The following HMGB1 variants were observed in gnomAD, a reference collection of about 807,000 sequenced individuals.
HMGB1 encodes high mobility group protein B1.
For missense variants in HMGB1, 79 were observed against 253.5 expected (o/e 0.31, Z 4.67); for synonymous variants, 81 against 84.0 (o/e 0.96, Z 0.19).
At chr13:30,552,460 T>C (rs1445602423) in intron 1 of HMGB1, among the ~76,000 whole-genome samples, 1 of 152,198 alleles carries the variant, frequency 6.6e-6, no homozygotes, top group African/African-American at 2.4e-5. Flanking sequence ...TATTTATCTT[T>C]CAAGACTAAG....
At chr13:30,539,636 G>T in intron 1 of HMGB1, 1 of 312,032 alleles carries the variant, frequency 3.2e-6, no homozygotes. Flanking sequence ...TCCTCTGAGG[G>T]TCCTGAAAAG....
chr13:30,533,452 C>T (rs1389872562), intron 1 of HMGB1, among the ~76,000 whole-genome samples: 1 of 152,162 alleles, frequency 6.6e-6, no homozygotes, highest in Non-Finnish European at 1.5e-5. Context: ...GCAACCTTCA[C>T]CTCCTGGGTT....
At chr13:30,553,892 T>C (rs1869550758) in intron 1 of HMGB1, 1 of 1,361,776 alleles carries the variant, frequency 7.3e-7, no homozygotes. Context: ...CCAGCTTAGT[T>C]GACATAGAAG....
rs148080157 is a variant in HMGB1 at position 30,561,016 on chromosome 13, T to C, written c.-15+55655A>G. The stretch of plus-strand genomic sequence containing the variant: ...AAATGAAAGAAGAGTCAGATGAGGA[T>C]AGCTGGAGCTAGTGCAAGGAGGGAA... On this transcript the variant is annotated intron_variant, in intron 1 of 4. Coordinates refer to the HMGB1 transcript ENST00000405805. 2.6e-3 allele frequency among the ~76,000 whole-genome samples: 400 copies of C among 151,968 alleles called. 2 individuals are homozygous for C. Among genetic ancestry groups the C allele is most frequent in the African/African-American group, 9.3e-3 (385 of 41,474 alleles).
intron 1 of HMGB1, among the ~76,000 whole-genome samples, chr13:30,568,050 T>C (rs1056542890): frequency 6.6e-6 from 1 of 152,198 alleles, no homozygotes; most frequent in Non-Finnish European, 1.5e-5. Context: ...GTGTTCCCCC[T>C]GGGTGGAATC....
intron 1 of HMGB1, among the ~76,000 whole-genome samples, chr13:30,596,339 CAGATA>C (rs1390253286): frequency 6.6e-6 from 1 of 152,110 alleles, no homozygotes; most frequent in African/African-American, 2.4e-5. Context: ...CCATGTTGGC[CAGATA>C]AGTCTGTCTT....
intron 1 of HMGB1, chr13:30,465,233 C>G: frequency 2.8e-6 from 1 of 355,800 alleles, no homozygotes; most frequent in Non-Finnish European, 3.8e-6. Flanking sequence ...GCCGGCCGGG[C>G]CCGCACTGCC....
intron 1 of HMGB1, among the ~76,000 whole-genome samples, chr13:30,533,321 T>C (rs1888539037): frequency 6.6e-6 from 1 of 152,222 alleles, no homozygotes; most frequent in African/African-American, 2.4e-5. Context: ...TTCTCATCTA[T>C]AACAGAACCA....
intron 1 of HMGB1, among the ~76,000 whole-genome samples, chr13:30,550,570 G>A (rs1433529685): frequency 6.6e-6 from 1 of 152,104 alleles, no homozygotes; most frequent in Non-Finnish European, 1.5e-5. Flanking sequence ...TTGCCTCTTT[G>A]CTCAGTTCAC....
At chr13:30,513,453 A>G (rs995842513) in intron 1 of HMGB1, among the ~76,000 whole-genome samples, 1 of 152,228 alleles carries the variant, frequency 6.6e-6, no homozygotes, top group Non-Finnish European at 1.5e-5. Context: ...GTGAGTTCAC[A>G]TCTTCTCTAT....
intron 1 of HMGB1, among the ~76,000 whole-genome samples, chr13:30,572,696 T>A (rs2137535243): frequency 6.6e-6 from 1 of 152,328 alleles, no homozygotes; most frequent in Middle Eastern, 3.4e-3. Context: ...GTGAATGAAA[T>A]ACATTTTAAT....
At chr13:30,483,285 A>G (rs948936629) in intron 1 of HMGB1, among the ~76,000 whole-genome samples, 17 of 152,102 alleles carry the variant, frequency 1.1e-4, no homozygotes, top group Admixed American at 1.0e-3. Context: ...TGTGCTCATC[A>G]TTAAAACTTC....
intron 1 of HMGB1, among the ~76,000 whole-genome samples, chr13:30,513,188 A>G (rs1888030509): frequency 6.6e-6 from 1 of 152,058 alleles, no homozygotes; most frequent in African/African-American, 2.4e-5. Flanking sequence ...AAAACAAAAA[A>G]CAAAAACCCA....
chr13:30,592,863 C>T (rs531139139), intron 1 of HMGB1, among the ~76,000 whole-genome samples: 4 of 141,104 alleles, frequency 2.8e-5, no homozygotes, highest in East Asian at 2.0e-4. Flanking sequence ...AAATTTAGTG[C>T]TTTTTTTTAA....
At chr13:30,542,861 A>G (rs9579598) in intron 1 of HMGB1, 42,183 of 154,078 alleles carry the variant, frequency 0.27, 8,174 homozygotes, top group African/African-American at 0.56. Flanking sequence ...AGAGTCAATG[A>G]GCGACTGCTT....
chr13:30,613,174 G>A (rs1177143669), intron 1 of HMGB1, among the ~76,000 whole-genome samples: 1 of 152,122 alleles, frequency 6.6e-6, no homozygotes, highest in Admixed American at 6.5e-5. Context: ...CTACCTCCCA[G>A]GATCAAGCCA....
In HMGB1 at chr13:30,520,939, G is replaced by A. The variant is rs189670893; in HGVS notation, c.-14-57245C>T. Among the ~76,000 whole-genome samples the A allele has an allele frequency of 2.6e-3, 389 of 152,290 alleles. 1 individual carries two copies. Among genetic ancestry groups the A allele is most frequent in the Middle Eastern group, 3.4e-3 (1 of 294 alleles). ...TTTGGTTCCCAGGAAGGAAAGGAGCGCTTCACTCTTCCTTCTGGGATTTTA... is the reference window on the plus strand; with the variant it reads ...TTTGGTTCCCAGGAAGGAAAGGAGCACTTCACTCTTCCTTCTGGGATTTTA... On this transcript the variant is annotated intron_variant, in intron 1 of 4. Transcript: ENST00000405805.
chr13:30,505,500 T>TG (rs1331939086), intron 1 of HMGB1, among the ~76,000 whole-genome samples: 1 of 151,914 alleles, frequency 6.6e-6, no homozygotes, highest in Non-Finnish European at 1.5e-5. Flanking sequence ...TTAATAGAGA[T>TG]GGGTTTCACC....
At position 30,458,753 on chromosome 13, in the gene HMGB1, A is replaced by G. The variant is rs1209070536; in HGVS notation, c.*2604T>C. On this transcript the variant is annotated 3_prime_UTR_variant, in exon 5 of 5. Coordinates refer to ENST00000341423, the MANE Select transcript of HMGB1 (RefSeq NM_002128.7). ...TTACATGGGCGCTTTTCTTATCTTT[A>G]TCATTTAATCATTACCCCTCGGGTA... The G allele has an allele frequency of 6.6e-6, 1 of 152,196 alleles. No individual in the cohort carries two copies. The highest frequency in any genetic ancestry group is 2.4e-5 in the African/African-American group (1 of 41,456). 9.4% of individuals were successfully genotyped at this position (152,196 alleles called of 1,614,324 possible). A position where few individuals can be genotyped will look rare whatever the true frequency, so the allele number is the denominator to read the frequency against.
Sources: gnomAD v4.1 joint callset for allele counts (sites outside exome capture counted in the v4.1 genomes callset) on GRCh38, gnomAD v4.1.1 for gene constraint, MANE v1.5 for transcripts, NCBI Gene and HGNC (gene_info 2026-07-23, HGNC 2026-07-21) for gene names.